SPTA1: variants seen among roughly 807,000 people sequenced by gnomAD.
The protein encoded by SPTA1 is spectrin alpha chain, erythrocytic 1.
Under a neutral mutation model 324.7 loss-of-function variants are expected in SPTA1, and 177 were observed. That is an observed-to-expected ratio of 0.55 (90% CI 0.48 to 0.62). The LOEUF (loss-of-function observed/expected upper bound fraction) is 0.62. SPTA1 is among the 20% of genes least tolerant of loss of function. The probability of loss-of-function intolerance (pLI) is 0.00; values close to 1 mark genes in which losing one functional copy is unlikely to be tolerated. For synonymous variants in SPTA1, 1,195 were observed against 1,041.3 expected, an observed-to-expected ratio of 1.15 and a Z score of -2.84; for missense variants, 3,162 against 2,883.6, an observed-to-expected ratio of 1.10 and a Z score of -2.21.
intron 39 of SPTA1, among the ~76,000 whole-genome samples, chr1:158,632,290 T>C (rs1038677552): frequency 2.6e-5 from 4 of 151,920 alleles, no homozygotes; most frequent in Non-Finnish European, 5.9e-5. Context: ...GAGAAAAAAA[T>C]TGAAGTTTTA....
intron 2 of SPTA1, 86 bp from the exon 3 acceptor site, chr1:158,683,582 G>A: frequency 6.4e-7 from 1 of 1,565,880 alleles, no homozygotes. Flanking sequence ...CCAAACACAG[G>A]TTCTCAAAGG....
chr1:158,643,522 T>C, intron 30 of SPTA1, 97 bp from the exon 31 acceptor site: 1 of 1,209,734 alleles, frequency 8.3e-7, no homozygotes, highest in Non-Finnish European at 1.2e-6. Context: ...GTATCCTTTG[T>C]GGATTCAGAA....
intron 7 of SPTA1, 69 bp from the exon 8 acceptor site, chr1:158,676,364 G>A (rs1012742021): frequency 1.3e-6 from 2 of 1,547,550 alleles, no homozygotes; most frequent in Admixed American, 3.4e-5. Context: ...AGCTTTGTGG[G>A]AGAGGTATAA....
intron 12 of SPTA1, among the ~76,000 whole-genome samples, chr1:158,670,827 C>T (rs568510421): frequency 1.3e-5 from 2 of 151,744 alleles, no homozygotes; most frequent in Non-Finnish European, 2.9e-5. Flanking sequence ...ACTTAGATAT[C>T]TAGATGTTAC....
intron 5 of SPTA1, among the ~76,000 whole-genome samples, chr1:158,680,327 C>A (rs1425778686): frequency 1.3e-5 from 2 of 152,034 alleles, no homozygotes; most frequent in Non-Finnish European, 2.9e-5. Context: ...AGCTTCACTG[C>A]CCATTGTGTA....
At chr1:158,634,000 G>T (rs1650877985) in intron 39 of SPTA1, among the ~76,000 whole-genome samples, 1 of 152,086 alleles carries the variant, frequency 6.6e-6, no homozygotes, top group Non-Finnish European at 1.5e-5. Context: ...ACTCTCAAAA[G>T]CCGTCAAAAT....
At position 158,611,101 on chromosome 1, in the gene SPTA1, A is replaced by G. The variant is rs1377474261; in HGVS notation, c.*163T>C. 4.3e-6 allele frequency: 4 copies of G among 935,842 alleles called. No individual in the cohort carries two copies. The highest frequency in any genetic ancestry group is 6.4e-6 in the Non-Finnish European group (4 of 623,332). The allele number at this position is 935,842 out of a possible 1,614,324, so 58.0% of individuals were successfully genotyped here. A position where few individuals can be genotyped will look rare whatever the true frequency, so the allele number is the denominator to read the frequency against. The stretch of plus-strand genomic sequence containing the variant: ...CACCCTTGAGATTTTTTAAGATCCT[A>G]CAATAAATGTAATATGCACACAAAC... On this transcript the variant is annotated 3_prime_UTR_variant, in exon 52 of 52. Transcript: ENST00000643759.
At chr1:158,643,865 G>C (rs896347477) in intron 30 of SPTA1, among the ~76,000 whole-genome samples, 2 of 152,046 alleles carry the variant, frequency 1.3e-5, no homozygotes, top group African/African-American at 4.8e-5. Context: ...GGCTGGGCAC[G>C]GTGGCTCACT....
chr1:158,635,229 G>A (rs150570976), intron 38 of SPTA1, among the ~76,000 whole-genome samples: 194 of 152,246 alleles, frequency 1.3e-3, no homozygotes, highest in African/African-American at 4.0e-3. Flanking sequence ...ATTGGATCAT[G>A]GGAGCAGATT....
rs1212542069 is a variant in SPTA1 at position 158,617,715 on chromosome 1, TCA to T, written c.6549-129_6549-128del. On this transcript the variant is annotated intron_variant, in intron 46 of 51. Transcript: ENST00000643759. Reference sequence around the variant, plus strand: ...TATGTGGCTTACATGAAGCAAAATTTCACAGAGCCAAATTTTCACAACCTTGC... The same window carrying T: ...TATGTGGCTTACATGAAGCAAAATTTCAGAGCCAAATTTTCACAACCTTGC... The T allele has an allele frequency of 3.2e-6, 3 of 943,542 alleles. No homozygotes were observed. In the African/African-American group the frequency reaches 4.9e-5, roughly 15 times the overall value. 58.4% of individuals were successfully genotyped at this position (943,542 alleles called of 1,614,324 possible).
At chr1:158,631,375 C>T (rs572347009) in intron 39 of SPTA1, among the ~76,000 whole-genome samples, 6 of 152,166 alleles carry the variant, frequency 3.9e-5, no homozygotes, top group East Asian at 1.9e-4. Context: ...AAATGTCTTA[C>T]GTTCTCACTT....
At position 158,656,571 on chromosome 1, in the gene SPTA1, G is replaced by C; in HGVS notation, c.2891C>G (p.Ala964Gly). Residue 964 changes from alanine to glycine, a missense_variant, in exon 20 of 52, where the codon GCC (alanine) becomes GGC (glycine). Coordinates refer to ENST00000643759, the MANE Select transcript of SPTA1 (RefSeq NM_003126.4). ...TCGCTAAGTTAGTCTTACCTGGCAG[G>C]CGTTTGCCTGATTCCGCAGAGCTTT... ...SMKALRNQAN[A>G]CQQQQAAPVE... The C allele has an allele frequency of 6.2e-7, 1 of 1,613,668 alleles. No homozygotes were observed. Among genetic ancestry groups the C allele is most frequent in the Non-Finnish European group, 8.5e-7 (1 of 1,179,748 alleles).
chr1:158,652,741 A>G, intron 22 of SPTA1, 88 bp from the exon 23 acceptor site: 1 of 1,451,664 alleles, frequency 6.9e-7, no homozygotes, highest in Non-Finnish European at 9.5e-7. Context: ...GAAAGAAGGA[A>G]CAAAAATGAA....
chr1:158,675,989 T>A (rs1654365874), intron 8 of SPTA1, 152 bp downstream of exon 8: 1 of 991,916 alleles, frequency 1.0e-6, no homozygotes, highest in Admixed American at 2.4e-5. Flanking sequence ...ACAAAGGACT[T>A]CCTTTGGCAA....
intron 39 of SPTA1, among the ~76,000 whole-genome samples, chr1:158,629,392 A>G (rs1268438516): frequency 6.6e-6 from 1 of 152,014 alleles, no homozygotes; most frequent in Non-Finnish European, 1.5e-5. Context: ...TATGCAGATC[A>G]ATAAATGTGA....
chr1:158,649,993 C>A (rs146598114), intron 24 of SPTA1, 46 bp from the exon 25 acceptor site: 5 of 1,348,714 alleles, frequency 3.7e-6, no homozygotes, highest in African/African-American at 1.4e-5. Flanking sequence ...AACTAACTCA[C>A]ATGGCTCAGT....
At position 158,649,937 on chromosome 1, in the gene SPTA1, G is replaced by T; in HGVS notation, c.3488C>A (p.Ser1163Tyr). 1 of 1,612,728 alleles carries T rather than the reference G, an allele frequency of 6.2e-7. No individual in the cohort carries two copies. The highest frequency in any genetic ancestry group is 8.5e-7 in the Non-Finnish European group (1 of 1,179,202). ...EGAQIRQELN[S>Y]RWGSLQRLAD... ...AAGCCTCTGCAAAGAACCCCAGCGG[G>T]AATTCAATTCCTAAAAGAGGCAAAA... Residue 1163 changes from serine to tyrosine, a missense_variant, in exon 25 of 52, where the codon TCC becomes TAC. Physicochemically the swap from Ser to Tyr is moderately radical, Grantham distance 144. Transcript: ENST00000643759.
chr1:158,632,133 G>A lies in SPTA1; in HGVS notation c.5565+2410C>T, dbSNP rs956287849. On this transcript the variant is annotated intron_variant, in intron 39 of 51. Transcript: ENST00000643759. ...TATTCTTAAAAAATAAGAAAGTTATGCAACATTTAACAACATAGATGAACC... is the reference window on the plus strand; with the variant it reads ...TATTCTTAAAAAATAAGAAAGTTATACAACATTTAACAACATAGATGAACC... Among the ~76,000 whole-genome samples, 5 of 152,064 alleles carry A rather than the reference G, an allele frequency of 3.3e-5. No individual in the cohort carries two copies. The East Asian group carries it at 9.6e-4, about 29-fold the overall frequency.
chr1:158,618,191 C>T, intron 45 of SPTA1, 135 bp from the exon 46 acceptor site: 1 of 955,604 alleles, frequency 1.0e-6, no homozygotes, highest in Non-Finnish European at 1.7e-6. Context: ...AAACATGAAT[C>T]TGTCCACCCA....
Sources: allele counts gnomAD v4.1 joint callset (sites outside exome capture counted in the v4.1 genomes callset), GRCh38; gene constraint gnomAD v4.1.1; transcripts MANE v1.5; gene names NCBI Gene and HGNC (gene_info 2026-07-23, HGNC 2026-07-21).